Variants in RIMS1 observed in about 807,000 individuals in gnomAD.
RIMS1 encodes regulating synaptic membrane exocytosis protein 1.
In RIMS1, 83 loss-of-function variants were observed where a neutral mutation model predicts 214.1. That is an observed-to-expected ratio of 0.39 (90% CI 0.32 to 0.47). RIMS1 has a LOEUF of 0.47. RIMS1 is among the 20% of genes least tolerant of loss of function. The pLI, the probability that RIMS1 is intolerant of heterozygous loss-of-function variation, is 0.99. For missense variants in RIMS1, 2,050 were observed against 2,161.8 expected, an observed-to-expected ratio of 0.95 and a Z score of 1.03; for synonymous variants, 793 against 786.8, an observed-to-expected ratio of 1.01 and a Z score of -0.13.
intron 1 of RIMS1, among the ~76,000 whole-genome samples, chr6:71,954,335 C>T (rs2151168876): frequency 6.6e-6 from 1 of 152,240 alleles, no homozygotes; most frequent in East Asian, 1.9e-4. Context: ...CTCAAATCAT[C>T]TACATAACAG....
At chr6:72,378,853 G>T (rs2154415626) in intron 29 of RIMS1, among the ~76,000 whole-genome samples, 1 of 152,088 alleles carries the variant, frequency 6.6e-6, no homozygotes, top group Non-Finnish European at 1.5e-5. Context: ...GACAAGAAAA[G>T]AAAAAGAAAA....
At chr6:71,960,918 C>T (rs1038141649) in intron 1 of RIMS1, among the ~76,000 whole-genome samples, 1 of 151,712 alleles carries the variant, frequency 6.6e-6, no homozygotes, top group Non-Finnish European at 1.5e-5. Flanking sequence ...TTTTTGCACC[C>T]AACAAGCCAA....
chr6:71,933,536 C>T (rs772041000), intron 1 of RIMS1, among the ~76,000 whole-genome samples: 17 of 152,030 alleles, frequency 1.1e-4, no homozygotes, highest in African/African-American at 2.2e-4. Context: ...ACACTGGAAA[C>T]GGAAATGGAC....
chr6:72,278,041 A>G (rs560559152), intron 23 of RIMS1, among the ~76,000 whole-genome samples: 6 of 152,290 alleles, frequency 3.9e-5, no homozygotes, highest in African/African-American at 9.6e-5. Flanking sequence ...GTTTTATTCA[A>G]GAAAATGCAA....
intron 1 of RIMS1, among the ~76,000 whole-genome samples, chr6:71,924,188 A>G (rs1780874410): frequency 6.6e-6 from 1 of 152,226 alleles, no homozygotes; most frequent in Non-Finnish European, 1.5e-5. Flanking sequence ...GTTAGAGTTT[A>G]TAATATGAGG....
intron 2 of RIMS1, among the ~76,000 whole-genome samples, chr6:72,095,344 C>T (rs1028621997): frequency 6.6e-5 from 10 of 152,112 alleles, no homozygotes; most frequent in African/African-American, 2.4e-4. Flanking sequence ...ATAACAAGTG[C>T]CCACAGTTGT....
At chr6:72,339,514 G>T (rs1228227723) in intron 29 of RIMS1, among the ~76,000 whole-genome samples, 1 of 151,206 alleles carries the variant, frequency 6.6e-6, no homozygotes, top group Non-Finnish European at 1.5e-5. Flanking sequence ...ATTCCCAGCT[G>T]TGAGTGAGAA....
Position 72,334,739 on chromosome 6 carries a change from C to G in RIMS1, c.4366+904C>G, listed in dbSNP as rs373668202. Among the ~76,000 whole-genome samples the G allele has an allele frequency of 2.6e-5, 4 of 152,016 alleles. No individual in the cohort carries two copies. The East Asian group carries it at 5.8e-4, about 22-fold the overall frequency. On this transcript the variant is annotated intron_variant, in intron 29 of 33. Transcript: ENST00000521978. ...AGCTTTCACAAAATCCTTTTTATAT[C>G]TCACTCAGCATTCTGGAAAGTACCT...
In RIMS1 at chr6:72,190,356, G is replaced by A. The variant is rs150544711; in HGVS notation, c.1678+7207G>A. On this transcript the variant is annotated intron_variant, in intron 6 of 33. Transcript: ENST00000521978. ...TGCATGCCTGTAATCCCAGCTACTC[G>A]GGAGGCTGAGGCAGGAGAATCATTT... 3.8e-3 allele frequency among the ~76,000 whole-genome samples: 579 copies of A among 151,868 alleles called. 5 individuals are homozygous for A. The highest frequency in any genetic ancestry group is 0.013 in the African/African-American group (521 of 41,426).
At position 72,290,758 on chromosome 6, in the gene RIMS1, C is replaced by G; in HGVS notation, c.3634C>G (p.Pro1212Ala). The change falls in exon 25 of 34, where the codon CCT becomes GCT. Residue 1212 changes from proline (P) to alanine (A), a missense_variant. Around this residue, in one of 6 missense-constraint regions of RIMS1, gnomAD observed 889 missense variants for 885.5 expected, o/e 1.00. Coordinates refer to ENST00000521978, the MANE Select transcript of RIMS1 (RefSeq NM_014989.7). ...TDQPVIRGKH[P>A]ARSRSSEHSS... Reference sequence around the variant, plus strand: ...TCAGCCAGTCATTAGGGGAAAACATCCTGCTCGCTCAAGGTCGAGTGAGCA... The same window carrying G: ...TCAGCCAGTCATTAGGGGAAAACATGCTGCTCGCTCAAGGTCGAGTGAGCA... 1 of 1,613,800 alleles carries G rather than the reference C, an allele frequency of 6.2e-7. No individual in the cohort carries two copies. The highest frequency in any genetic ancestry group is 1.1e-5 in the South Asian group (1 of 91,076).
intron 2 of RIMS1, among the ~76,000 whole-genome samples, chr6:72,017,077 G>C (rs1372032927): frequency 6.6e-6 from 1 of 152,154 alleles, no homozygotes; most frequent in Non-Finnish European, 1.5e-5. Context: ...AACACACCCT[G>C]TAGGGTCTAC....
intron 2 of RIMS1, among the ~76,000 whole-genome samples, chr6:71,998,783 C>G (rs560186740): frequency 6.6e-6 from 1 of 152,274 alleles, no homozygotes; most frequent in South Asian, 2.1e-4. Context: ...AGGAGCTCCT[C>G]ATTTCCTTGC....
intron 23 of RIMS1, 23 bp from the exon 24 acceptor site, chr6:72,284,024 G>T (rs1460624105): frequency 6.3e-7 from 1 of 1,579,116 alleles, no homozygotes. Flanking sequence ...CATATATTTT[G>T]TGTTTAACAT....
chr6:72,006,407 G>A (rs529541551), intron 2 of RIMS1, among the ~76,000 whole-genome samples: 9 of 152,286 alleles, frequency 5.9e-5, no homozygotes, highest in East Asian at 3.9e-4. Context: ...CGTGAGCAAC[G>A]CAGAAGATGA....
chr6:72,302,989 TAGAG>T (rs1563795935), intron 26 of RIMS1, among the ~76,000 whole-genome samples: 1 of 150,922 alleles, frequency 6.6e-6, no homozygotes, highest in East Asian at 1.9e-4. Context: ...TCAAGGTGCA[TAGAG>T]AGAAATGTGA....
chr6:72,318,634 A>G (rs985400111), intron 28 of RIMS1, among the ~76,000 whole-genome samples: 6 of 152,062 alleles, frequency 3.9e-5, no homozygotes, highest in Admixed American at 3.9e-4. Flanking sequence ...TTAGACCTTC[A>G]TTCTGGATCA....
At chr6:72,228,290 T>C (rs1198983575) in intron 6 of RIMS1, among the ~76,000 whole-genome samples, 1 of 151,936 alleles carries the variant, frequency 6.6e-6, no homozygotes, top group Non-Finnish European at 1.5e-5. Flanking sequence ...TTTGTACCTT[T>C]TGACTTATAC....
At chr6:72,270,675 C>A (rs1281483831) in intron 22 of RIMS1, among the ~76,000 whole-genome samples, 2 of 152,180 alleles carry the variant, frequency 1.3e-5, no homozygotes, top group African/African-American at 4.8e-5. Context: ...GCCACACAAA[C>A]TTCTGCTACA....
chr6:72,144,456 A>G (rs1323817427), intron 4 of RIMS1, among the ~76,000 whole-genome samples: 1 of 152,188 alleles, frequency 6.6e-6, no homozygotes, highest in Admixed American at 6.5e-5. Context: ...GTGAAGAGAC[A>G]TGTATCAAGA....
Sources: gnomAD v4.1 joint callset for allele counts (sites outside exome capture counted in the v4.1 genomes callset) on GRCh38, gnomAD v4.1.1 for gene constraint, gnomAD v4.1.1 regional missense constraint, MANE v1.5 for transcripts, NCBI Gene and HGNC (gene_info 2026-07-23, HGNC 2026-07-21) for gene names.